Variants in CYP4Z1 observed in about 807,000 individuals in gnomAD.
CYP4Z1 encodes the protein cytochrome P450 family 4 subfamily Z member 1.
Under a neutral mutation model 54.2 loss-of-function variants are expected in CYP4Z1, and 41 were observed. The ratio of observed to expected loss-of-function variants is 0.76; its 90% CI spans 0.59 to 0.98. The LOEUF is 0.98. CYP4Z1 is among the 50% of genes least tolerant of loss of function. CYP4Z1 has a pLI of 0.00. For synonymous variants in CYP4Z1, 163 were observed against 206.2 expected (o/e 0.79, Z 1.79); for missense variants, 513 against 599.0 (o/e 0.86, Z 1.50).
intron 8 of CYP4Z1, among the ~76,000 whole-genome samples, chr1:47,101,867 C>T (rs550918328): frequency 1.6e-4 from 25 of 152,092 alleles, no homozygotes; most frequent in South Asian, 6.2e-4. Flanking sequence ...AGGGGGCTGA[C>T]GTCTCCAACG....
At chr1:47,064,750 G>T (rs2148522814), upstream of CYP4Z1, among the ~76,000 whole-genome samples, 1 of 152,240 alleles carries the variant, frequency 6.6e-6, no homozygotes, top group African/African-American at 2.4e-5. Context: ...AAAAGAAACA[G>T]AACAGCAGAA....
Position 47,087,392 on chromosome 1 carries a change from C to A in CYP4Z1, c.772+2414C>A, listed in dbSNP as rs998972969. ...TCATTGAGCAGTAGTTTATAGTTCT[C>A]CTTGAAGAGGTCCTTCACATCCCTT... On this transcript the variant is annotated intron_variant, in intron 6 of 11. Transcript: ENST00000334194. Among the ~76,000 whole-genome samples, 79 of 152,142 alleles carry A rather than the reference C, an allele frequency of 5.2e-4. 1 individual carries two copies. Among genetic ancestry groups the A allele is most frequent in the Non-Finnish European group, 5.9e-5 (4 of 68,038 alleles).
At chr1:47,057,204 T>A in the CYP4Z1 span, among the ~76,000 whole-genome samples, 1 of 151,162 alleles carries the variant, frequency 6.6e-6, no homozygotes, top group Non-Finnish European at 1.5e-5. Context: ...GATATGAAAT[T>A]CTGGGTTGAA....
At chr1:47,110,684 C>G (rs1482833721) in intron 9 of CYP4Z1, among the ~76,000 whole-genome samples, 2 of 152,058 alleles carry the variant, frequency 1.3e-5, no homozygotes, top group Non-Finnish European at 2.9e-5. Context: ...TTCTGATGAT[C>G]TTGGTGAGAC....
intron 8 of CYP4Z1, among the ~76,000 whole-genome samples, chr1:47,104,013 G>T (rs6701611): frequency 0.43 from 65,364 of 151,964 alleles, 15,422 homozygotes; most frequent in East Asian, 0.96. Context: ...AGGTGTCATA[G>T]TTCCTTGCTT....
intron 6 of CYP4Z1, among the ~76,000 whole-genome samples, chr1:47,086,243 C>G (rs531451494): frequency 2.5e-4 from 38 of 151,866 alleles, no homozygotes; most frequent in East Asian, 1.7e-3. Context: ...GGTATTTCTA[C>G]TTCTAGATCC....
At chr1:47,073,694 T>C (rs1314863994) in intron 2 of CYP4Z1, among the ~76,000 whole-genome samples, 1 of 152,200 alleles carries the variant, frequency 6.6e-6, no homozygotes, top group Non-Finnish European at 1.5e-5. Flanking sequence ...TATCATCTTA[T>C]TGTTTGCCCA....
chr1:47,108,851 T>C (rs1644774740), intron 9 of CYP4Z1, among the ~76,000 whole-genome samples: 1 of 151,984 alleles, frequency 6.6e-6, no homozygotes, highest in Non-Finnish European at 1.5e-5. Context: ...GTGAGAAAGA[T>C]AGAAGTCATC....
At chr1:47,073,108 C>T (rs1023867344) in intron 2 of CYP4Z1, among the ~76,000 whole-genome samples, 9 of 118,888 alleles carry the variant, frequency 7.6e-5, no homozygotes, top group Admixed American at 1.8e-4. Flanking sequence ...CCTCCCTTGC[C>T]CCAGTCACTG....
At chr1:47,066,283 A>G (rs563862839), upstream of CYP4Z1, among the ~76,000 whole-genome samples, 11 of 152,300 alleles carry the variant, frequency 7.2e-5, no homozygotes, top group African/African-American at 2.4e-4. Context: ...AAAATCCTCA[A>G]TCAAATACTA....
intron 9 of CYP4Z1, among the ~76,000 whole-genome samples, chr1:47,107,954 G>A (rs1340579762): frequency 2.0e-5 from 3 of 152,048 alleles, no homozygotes; most frequent in Non-Finnish European, 2.9e-5. Flanking sequence ...GGCTCCACCC[G>A]GCTGACTCAG....
At chr1:47,098,426 G>A (rs1404017470) in intron 7 of CYP4Z1, among the ~76,000 whole-genome samples, 2 of 152,300 alleles carry the variant, frequency 1.3e-5, no homozygotes, top group East Asian at 3.9e-4. Flanking sequence ...ATTACCTGTT[G>A]TTGGTGGAAA....
At chr1:47,117,163 C>A (rs1298370071) in intron 11 of CYP4Z1, among the ~76,000 whole-genome samples, 4 of 152,156 alleles carry the variant, frequency 2.6e-5, no homozygotes, top group African/African-American at 9.7e-5. Flanking sequence ...AATGACAACA[C>A]AATCCACTGA....
At chr1:47,059,912 A>G in the CYP4Z1 span, among the ~76,000 whole-genome samples, 1 of 152,120 alleles carries the variant, frequency 6.6e-6, no homozygotes, top group Non-Finnish European at 1.5e-5. Flanking sequence ...CAAGACTTTT[A>G]CTTGCTCATT....
upstream of CYP4Z1, among the ~76,000 whole-genome samples, chr1:47,064,779 C>T (rs1419900283): frequency 7.2e-5 from 11 of 152,102 alleles, no homozygotes; most frequent in African/African-American, 2.2e-4. Flanking sequence ...AAATTACCAA[C>T]CAAATTTCTG....
intron 7 of CYP4Z1, among the ~76,000 whole-genome samples, chr1:47,095,015 T>C (rs934012846): frequency 6.6e-5 from 10 of 152,030 alleles, no homozygotes; most frequent in African/African-American, 2.4e-4. Context: ...TTAGAAAAAC[T>C]TACTTATATG....
chr1:47,057,602 G>T, the CYP4Z1 span, among the ~76,000 whole-genome samples: 1 of 145,296 alleles, frequency 6.9e-6, no homozygotes, highest in East Asian at 2.0e-4. Flanking sequence ...TTCAGATATT[G>T]GACTTTTCAT....
At chr1:47,086,606 A>C (rs1470549292) in intron 6 of CYP4Z1, among the ~76,000 whole-genome samples, 2 of 152,138 alleles carry the variant, frequency 1.3e-5, no homozygotes, top group Admixed American at 1.3e-4. Context: ...CCTTTGTCAG[A>C]TGAGGAGATT....
At chr1:47,106,855 T>G (rs1334429447) in intron 9 of CYP4Z1, among the ~76,000 whole-genome samples, 3 of 152,208 alleles carry the variant, frequency 2.0e-5, no homozygotes, top group Non-Finnish European at 4.4e-5. Flanking sequence ...TTTAGAAAGA[T>G]TAATACATTG....
Sources: allele counts gnomAD v4.1 joint callset (sites outside exome capture counted in the v4.1 genomes callset), GRCh38; gene constraint gnomAD v4.1.1; transcripts MANE v1.5; gene names NCBI Gene and HGNC (gene_info 2026-07-23, HGNC 2026-07-21).